Variants in IGF2BP2 observed in about 807,000 individuals in gnomAD.
IGF2BP2 encodes insulin like growth factor 2 mRNA binding protein 2.
A neutral mutation model predicts 75.8 loss-of-function variants in IGF2BP2; 17 were observed. That is an observed-to-expected ratio of 0.22 (90% CI 0.15 to 0.34). IGF2BP2 has a LOEUF of 0.34. Among genes scored for constraint, IGF2BP2 ranks in the 10% least tolerant of loss-of-function variants. The probability of loss-of-function intolerance (pLI) is 1.00; values close to 1 mark genes in which losing one functional copy is unlikely to be tolerated. For synonymous variants in IGF2BP2, 288 were observed against 295.6 expected, an observed-to-expected ratio of 0.97 and a Z score of 0.26; for missense variants, 516 against 772.4, an observed-to-expected ratio of 0.67 and a Z score of 3.93.
intron 1 of IGF2BP2, among the ~76,000 whole-genome samples, chr3:185,823,596 G>C (rs572123634): frequency 3.3e-5 from 5 of 151,992 alleles, no homozygotes; most frequent in Non-Finnish European, 7.4e-5. Flanking sequence ...GGGCCCGAAG[G>C]CTCCACCGGG....
chr3:185,744,882 T>C (rs536419799), intron 2 of IGF2BP2, among the ~76,000 whole-genome samples: 1 of 152,360 alleles, frequency 6.6e-6, no homozygotes, highest in South Asian at 2.1e-4. Flanking sequence ...CATGTTTTCA[T>C]ACGGCATTAA....
chr3:185,682,586 C>T (rs1298004677), intron 7 of IGF2BP2, among the ~76,000 whole-genome samples: 2 of 152,040 alleles, frequency 1.3e-5, no homozygotes, highest in Non-Finnish European at 2.9e-5. Flanking sequence ...ACTCCCATAA[C>T]GAAAGAATCA....
chr3:185,768,808 G>T (rs548233895), intron 2 of IGF2BP2, among the ~76,000 whole-genome samples: 216 of 152,292 alleles, frequency 1.4e-3, no homozygotes, highest in African/African-American at 4.9e-3. Context: ...GAGGCGGGTG[G>T]ATCACCTGAG....
intron 10 of IGF2BP2, among the ~76,000 whole-genome samples, chr3:185,667,204 T>C (rs1283683997): frequency 6.6e-6 from 1 of 152,158 alleles, no homozygotes; most frequent in South Asian, 2.1e-4. Context: ...GAAAATTGAA[T>C]ATCCATTTCA....
At chr3:185,752,256 C>T (rs1302062069) in intron 2 of IGF2BP2, among the ~76,000 whole-genome samples, 3 of 152,208 alleles carry the variant, frequency 2.0e-5, no homozygotes, top group Admixed American at 1.3e-4. Context: ...TACACTCCAT[C>T]ACTAGGCCAT....
At chr3:185,779,880 T>C (rs933565158) in intron 2 of IGF2BP2, among the ~76,000 whole-genome samples, 2 of 152,216 alleles carry the variant, frequency 1.3e-5, no homozygotes, top group Non-Finnish European at 2.9e-5. Context: ...ATTTAAGACT[T>C]AGCAATTCCA....
At chr3:185,668,329 T>C (rs1163582135) in intron 10 of IGF2BP2, among the ~76,000 whole-genome samples, 2 of 152,080 alleles carry the variant, frequency 1.3e-5, no homozygotes, top group Admixed American at 6.6e-5. Context: ...ATTTGTATTT[T>C]TGAATAATAT....
chr3:185,809,002 G>A (rs1739433361), intron 2 of IGF2BP2, among the ~76,000 whole-genome samples: 1 of 152,142 alleles, frequency 6.6e-6, no homozygotes, highest in Non-Finnish European at 1.5e-5. Context: ...AACTTTAGAT[G>A]CTGTCTGCTT....
intron 10 of IGF2BP2, among the ~76,000 whole-genome samples, chr3:185,662,578 C>T (rs1716646495): frequency 8.0e-6 from 1 of 125,622 alleles, no homozygotes; most frequent in Non-Finnish European, 1.6e-5. Context: ...TGGACTAGCT[C>T]TGTTGCCCAG....
intron 2 of IGF2BP2, among the ~76,000 whole-genome samples, chr3:185,720,528 AT>A (rs1420842117): frequency 6.6e-6 from 1 of 152,150 alleles, no homozygotes; most frequent in East Asian, 1.9e-4. Context: ...GATGCACACA[AT>A]TGGCTCTGGT....
chr3:185,672,447 T>C, intron 10 of IGF2BP2, 94 bp downstream of exon 10: 1 of 1,296,138 alleles, frequency 7.7e-7, no homozygotes, highest in South Asian at 1.5e-5. Flanking sequence ...GGCCTTTAAA[T>C]GAAAGCTTCC....
At chr3:185,714,505 A>G (rs1725302014) in intron 2 of IGF2BP2, among the ~76,000 whole-genome samples, 1 of 152,250 alleles carries the variant, frequency 6.6e-6, no homozygotes, top group Non-Finnish European at 1.5e-5. Flanking sequence ...ACATCAACAC[A>G]CAGTGCAATG....
intron 10 of IGF2BP2, among the ~76,000 whole-genome samples, chr3:185,661,713 A>G (rs1486624460): frequency 1.3e-5 from 2 of 150,016 alleles, no homozygotes; most frequent in African/African-American, 4.9e-5. Context: ...GGTGCTGGGG[A>G]CACAGTTATT....
At chr3:185,756,661 T>A (rs1041072509) in intron 2 of IGF2BP2, among the ~76,000 whole-genome samples, 1 of 152,308 alleles carries the variant, frequency 6.6e-6, no homozygotes, top group East Asian at 1.9e-4. Flanking sequence ...GTTTTGATAA[T>A]CTTTCTCTGC....
intron 9 of IGF2BP2, among the ~76,000 whole-genome samples, chr3:185,674,120 G>A (rs1311084392): frequency 6.6e-6 from 1 of 152,174 alleles, no homozygotes; most frequent in African/African-American, 2.4e-5. Flanking sequence ...AGTATAGAGG[G>A]TACAACAGAA....
At position 185,810,882 on chromosome 3, in the gene IGF2BP2, T is replaced by C. The variant is rs565768930; in HGVS notation, c.239+12271A>G. 4.6e-5 allele frequency among the ~76,000 whole-genome samples: 7 copies of C among 152,334 alleles called. No homozygotes were observed. In the South Asian group the frequency reaches 6.2e-4, roughly 14 times the overall value. On this transcript the variant is annotated intron_variant, in intron 2 of 15. Transcript: ENST00000382199. ...TGGACATATGAGAATCAAATTTTCTTAGAAAGTGGCTTAAAACATTATCTA... is the reference window on the plus strand; with the variant it reads ...TGGACATATGAGAATCAAATTTTCTCAGAAAGTGGCTTAAAACATTATCTA...
intron 2 of IGF2BP2, among the ~76,000 whole-genome samples, chr3:185,699,073 C>G (rs1722955009): frequency 6.6e-6 from 1 of 152,156 alleles, no homozygotes; most frequent in Non-Finnish European, 1.5e-5. Flanking sequence ...CCTCGGCCTC[C>G]CAAAGTTTTG....
chr3:185,689,835 G>T (rs1344109781), intron 5 of IGF2BP2, among the ~76,000 whole-genome samples: 1 of 151,132 alleles, frequency 6.6e-6, no homozygotes, highest in South Asian at 2.1e-4. Context: ...GGGCGTAGTG[G>T]CGGGCGCCTG....
In IGF2BP2 at chr3:185,740,892, T is replaced by G. The variant is rs138909661; in HGVS notation, c.240-42545A>C. On this transcript the variant is annotated intron_variant, in intron 2 of 15. Transcript: ENST00000382199. Reference sequence around the variant, plus strand: ...TTTTTTATTTTATTTTACTTATTTATTTTGAGACGGAGTCTCGCTCTGTCG... The same window carrying G: ...TTTTTTATTTTATTTTACTTATTTAGTTTGAGACGGAGTCTCGCTCTGTCG... 5.5e-3 allele frequency among the ~76,000 whole-genome samples: 843 copies of G among 152,360 alleles called. 5 individuals carry two copies. The highest frequency in any genetic ancestry group is 0.019 in the African/African-American group (793 of 41,582).
Sources: allele counts gnomAD v4.1 joint callset (sites outside exome capture counted in the v4.1 genomes callset), GRCh38; gene constraint gnomAD v4.1.1; transcripts MANE v1.5; gene names NCBI Gene and HGNC (gene_info 2026-07-23, HGNC 2026-07-21).